The following ZFYVE9 variants were observed in gnomAD, a reference collection of about 807,000 sequenced individuals.
ZFYVE9 encodes the protein zinc finger FYVE domain-containing protein 9.
ZFYVE9 carries 43 observed loss-of-function variants against 126.7 expected under a neutral mutation model. The observed-to-expected ratio is 0.34, with a 90% CI of 0.27 to 0.44. ZFYVE9 has a LOEUF of 0.44. Among genes scored for constraint, ZFYVE9 ranks in the 20% least tolerant of loss-of-function variants. The pLI is 1.00. For missense variants in ZFYVE9, 1,476 were observed against 1,697.0 expected, an observed-to-expected ratio of 0.87 and a Z score of 2.29; for synonymous variants, 521 against 597.4, an observed-to-expected ratio of 0.87 and a Z score of 1.87.
intron 2 of ZFYVE9, among the ~76,000 whole-genome samples, chr1:52,229,119 C>T (rs1645194988): frequency 6.6e-6 from 1 of 152,128 alleles, no homozygotes; most frequent in Admixed American, 6.6e-5. Flanking sequence ...TCCTCCACCT[C>T]AGCCTACCAA....
intron 1 of ZFYVE9, among the ~76,000 whole-genome samples, chr1:52,192,375 A>G (rs1008232297): frequency 6.6e-6 from 1 of 152,236 alleles, no homozygotes; most frequent in African/African-American, 2.4e-5. Flanking sequence ...TCCGGAGTCT[A>G]TTATGTATAA....
intron 1 of ZFYVE9, among the ~76,000 whole-genome samples, chr1:52,158,724 G>A (rs946050593): frequency 6.6e-6 from 1 of 152,024 alleles, no homozygotes; most frequent in Non-Finnish European, 1.5e-5. Context: ...TGACCTTCAC[G>A]CTTAGTTTTC....
chr1:52,193,112 T>A (rs1255403104), intron 1 of ZFYVE9, among the ~76,000 whole-genome samples: 1 of 152,100 alleles, frequency 6.6e-6, no homozygotes, highest in African/African-American at 2.4e-5. Flanking sequence ...CACTCTTTTT[T>A]GTTGTTGCCT....
chr1:52,214,241 A>G (rs919257189), intron 1 of ZFYVE9, among the ~76,000 whole-genome samples: 1 of 152,130 alleles, frequency 6.6e-6, no homozygotes, highest in African/African-American at 2.4e-5. Context: ...AGCCTGGGTA[A>G]CACAGTGAAA....
intron 1 of ZFYVE9, among the ~76,000 whole-genome samples, chr1:52,176,750 T>C (rs1306452881): frequency 1.3e-5 from 2 of 152,152 alleles, no homozygotes; most frequent in African/African-American, 2.4e-5. Context: ...CTCAGGCTGC[T>C]GTGCTAGCAA....
rs72893938 is a variant in ZFYVE9, at chr1:52,193,085, T to G, written c.-142-23284T>G. 2.0e-3 allele frequency among the ~76,000 whole-genome samples: 308 copies of G among 152,210 alleles called. 3 individuals are homozygous for G. Among genetic ancestry groups the G allele is most frequent in the African/African-American group, 6.9e-3 (285 of 41,538 alleles). ...TGAACCCCCATTTGAACTCAGGCAG[T>G]CAGTGTCTAGAGCCTGCACTCTTTT... On this transcript the variant is annotated intron_variant, in intron 1 of 18. Transcript: ENST00000287727.
intron 2 of ZFYVE9, among the ~76,000 whole-genome samples, chr1:52,221,919 A>G (rs900492888): frequency 6.6e-6 from 1 of 152,178 alleles, no homozygotes; most frequent in African/African-American, 2.4e-5. Context: ...AAGGCATAAG[A>G]GTTAATCCAC....
chr1:52,283,661 T>C (rs1645826197), intron 10 of ZFYVE9, among the ~76,000 whole-genome samples: 1 of 152,116 alleles, frequency 6.6e-6, no homozygotes, highest in Non-Finnish European at 1.5e-5. Flanking sequence ...GCAAAATTAA[T>C]CTTTGGTGAT....
chr1:52,217,737 T>G (rs939331845), intron 2 of ZFYVE9, among the ~76,000 whole-genome samples: 2 of 152,174 alleles, frequency 1.3e-5, no homozygotes, highest in African/African-American at 4.8e-5. Flanking sequence ...TTTGGCTAAT[T>G]GATTTGCTAG....
At chr1:52,158,604 TCAGC>T (rs1644425383) in intron 1 of ZFYVE9, among the ~76,000 whole-genome samples, 1 of 152,172 alleles carries the variant, frequency 6.6e-6, no homozygotes, top group Admixed American at 6.5e-5. Flanking sequence ...GGCTGAGCAT[TCAGC>T]CACCGTGAAG....
chr1:52,174,890 A>G (rs867006698), intron 1 of ZFYVE9, among the ~76,000 whole-genome samples: 45 of 152,154 alleles, frequency 3.0e-4, no homozygotes, highest in Admixed American at 1.3e-3. Context: ...TTTTGAGCCT[A>G]TGTGTGTCTG....
At chr1:52,213,812 C>T (rs939709303) in intron 1 of ZFYVE9, among the ~76,000 whole-genome samples, 4 of 151,998 alleles carry the variant, frequency 2.6e-5, no homozygotes, top group African/African-American at 4.8e-5. Context: ...AAACTGAAGA[C>T]GCAATAAGCT....
intron 9 of ZFYVE9, among the ~76,000 whole-genome samples, chr1:52,280,628 G>A (rs1645794069): frequency 6.6e-6 from 1 of 152,070 alleles, no homozygotes. Flanking sequence ...CATTGTTTTT[G>A]ACTACATATG....
intron 8 of ZFYVE9, among the ~76,000 whole-genome samples, chr1:52,276,159 G>T (rs1024872450): frequency 1.3e-5 from 2 of 151,960 alleles, no homozygotes; most frequent in African/African-American, 4.8e-5. Flanking sequence ...GCCCACCTCG[G>T]CCTCCCAAAG....
chr1:52,346,270 C>A lies in ZFYVE9; in HGVS notation c.*49C>A. 7.2e-7 allele frequency: 1 copy of A among 1,390,114 alleles called. No individual in the cohort carries two copies. The highest frequency in any genetic ancestry group is 1.4e-5 in the South Asian group (1 of 69,486). The allele number at this position is 1,390,114 out of a possible 1,614,324, so 86.1% of individuals were successfully genotyped here. ...TGTTCAGACTTGTTGCAACAGCAGT[C>A]ATACCCAAATCATTTGCACTTTAAA... is the stretch of plus-strand genomic sequence containing the variant. On this transcript the variant is annotated 3_prime_UTR_variant, in exon 19 of 19. Transcript: ENST00000287727.
At chr1:52,217,477 GTTC>G (rs775059562) in intron 2 of ZFYVE9, among the ~76,000 whole-genome samples, 15 of 152,296 alleles carry the variant, frequency 9.8e-5, no homozygotes, top group Non-Finnish European at 1.6e-4. Context: ...TGGCTTTGTT[GTTC>G]TTCTTGATTA....
intron 2 of ZFYVE9, among the ~76,000 whole-genome samples, chr1:52,231,448 G>A (rs1375351812): frequency 1.3e-5 from 2 of 151,788 alleles, no homozygotes; most frequent in East Asian, 3.9e-4. Flanking sequence ...AATCCAGGAG[G>A]GGGAGGTTGC....
intron 2 of ZFYVE9, among the ~76,000 whole-genome samples, chr1:52,221,883 G>A (rs1645127258): frequency 2.0e-5 from 3 of 152,166 alleles, no homozygotes; most frequent in African/African-American, 7.2e-5. Flanking sequence ...TCTTGAGTGA[G>A]TTTTTGATAT....
At chr1:52,276,432 T>G (rs527299160) in intron 8 of ZFYVE9, among the ~76,000 whole-genome samples, 6 of 152,338 alleles carry the variant, frequency 3.9e-5, no homozygotes, top group African/African-American at 1.4e-4. Context: ...ACCGTTCCAT[T>G]CTAGCTGTGT....
Sources: gnomAD v4.1 joint callset for allele counts (sites outside exome capture counted in the v4.1 genomes callset) on GRCh38, gnomAD v4.1.1 for gene constraint, MANE v1.5 for transcripts, NCBI Gene and HGNC (gene_info 2026-07-23, HGNC 2026-07-21) for gene names.